The following KATNAL1 variants were observed in gnomAD, a reference collection of about 807,000 sequenced individuals.
KATNAL1 encodes the protein katanin catalytic subunit A1 like 1.
KATNAL1 carries 32 observed loss-of-function variants against 55.2 expected under a neutral mutation model. That is an observed-to-expected ratio of 0.58 (90% CI 0.44 to 0.78). KATNAL1 has a LOEUF of 0.78. KATNAL1 is among the 30% of genes least tolerant of loss of function. The pLI is 0.00. For missense variants in KATNAL1, 466 were observed against 600.9 expected, an observed-to-expected ratio of 0.78 and a Z score of 2.35; for synonymous variants, 193 against 193.6, an observed-to-expected ratio of 1.00 and a Z score of 0.02.
At chr13:30,215,844 G>A (rs945017349) in intron 9 of KATNAL1, among the ~76,000 whole-genome samples, 3 of 152,106 alleles carry the variant, frequency 2.0e-5, no homozygotes, top group African/African-American at 7.2e-5. Flanking sequence ...GTTAATGGGT[G>A]CAGCACACCA....
At position 30,296,756 on chromosome 13, in the gene KATNAL1, C is replaced by T. The variant is rs1882528495; in HGVS notation, c.-15+10575G>A. On this transcript the variant is annotated intron_variant, in intron 1 of 10. Transcript: ENST00000380615. The stretch of plus-strand genomic sequence containing the variant: ...ATTAGGCTGGCCAATGGATAGTGAG[C>T]TTGTGCCCCTACCTAGGTGCCTGTG... 6.1e-6 allele frequency: 3 copies of T among 490,888 alleles called. No homozygotes were observed. In the Admixed American group the frequency reaches 6.9e-5, roughly 11 times the overall value. 30.4% of individuals were successfully genotyped at this position (490,888 alleles called of 1,614,324 possible). A position where few individuals can be genotyped will look rare whatever the true frequency, so the allele number is the denominator to read the frequency against.
At chr13:30,305,789 T>C (rs903990906) in intron 1 of KATNAL1, among the ~76,000 whole-genome samples, 5 of 151,792 alleles carry the variant, frequency 3.3e-5, no homozygotes, top group African/African-American at 1.2e-4. Flanking sequence ...CCATGCAGGA[T>C]ACAGACTATC....
intron 9 of KATNAL1, among the ~76,000 whole-genome samples, chr13:30,226,040 G>GT (rs1875433760): frequency 1.3e-5 from 2 of 152,102 alleles, no homozygotes; most frequent in African/African-American, 4.8e-5. Context: ...GGTACTCAAC[G>GT]TAAGTCATCA....
intron 4 of KATNAL1, among the ~76,000 whole-genome samples, chr13:30,251,980 T>A (rs1295958902): frequency 6.6e-6 from 1 of 152,138 alleles, no homozygotes; most frequent in Non-Finnish European, 1.5e-5. Flanking sequence ...TGTCAGTAAT[T>A]TTAAAAAAGA....
chr13:30,229,861 C>T (rs1875908762), intron 8 of KATNAL1, among the ~76,000 whole-genome samples: 1 of 150,660 alleles, frequency 6.6e-6, no homozygotes, highest in African/African-American at 2.4e-5. Context: ...AATATTAATT[C>T]ACTTAAAAAT....
intron 6 of KATNAL1, among the ~76,000 whole-genome samples, chr13:30,238,544 C>T (rs1396063974): frequency 6.6e-6 from 1 of 152,172 alleles, no homozygotes; most frequent in African/African-American, 2.4e-5. Flanking sequence ...CTCTAAGTTC[C>T]TACATCTCCA....
chr13:30,267,465 G>A (rs1479665488), intron 3 of KATNAL1, among the ~76,000 whole-genome samples: 2 of 152,140 alleles, frequency 1.3e-5, no homozygotes, highest in Non-Finnish European at 2.9e-5. Context: ...TTAGCTGAAT[G>A]TACATACATA....
intron 4 of KATNAL1, among the ~76,000 whole-genome samples, chr13:30,250,019 CT>C (rs1255236965): frequency 6.6e-6 from 1 of 152,048 alleles, no homozygotes; most frequent in Admixed American, 6.5e-5. Context: ...TTACTATTAC[CT>C]ATTATCTTGA....
intron 9 of KATNAL1, among the ~76,000 whole-genome samples, chr13:30,213,323 T>C (rs945070303): frequency 1.9e-4 from 29 of 152,266 alleles, no homozygotes; most frequent in South Asian, 1.0e-3. Flanking sequence ...GATGGATTCA[T>C]AGCCGAATTC....
At chr13:30,221,732 G>A (rs1366895081) in intron 9 of KATNAL1, among the ~76,000 whole-genome samples, 1 of 152,154 alleles carries the variant, frequency 6.6e-6, no homozygotes, top group Non-Finnish European at 1.5e-5. Flanking sequence ...AACTTGGCTG[G>A]GCAATGGTGC....
At chr13:30,219,129 A>G (rs1038381869) in intron 9 of KATNAL1, among the ~76,000 whole-genome samples, 1 of 152,110 alleles carries the variant, frequency 6.6e-6, no homozygotes, top group Non-Finnish European at 1.5e-5. Flanking sequence ...ATTCTTATTC[A>G]CAGTTGGTTT....
At chr13:30,260,473 A>C (rs1217479811) in intron 3 of KATNAL1, among the ~76,000 whole-genome samples, 1 of 152,206 alleles carries the variant, frequency 6.6e-6, no homozygotes, top group African/African-American at 2.4e-5. Flanking sequence ...AAACTTTGAA[A>C]AAAGTTTAGA....
intron 3 of KATNAL1, among the ~76,000 whole-genome samples, chr13:30,260,093 T>C (rs1319619007): frequency 6.6e-6 from 1 of 151,968 alleles, no homozygotes; most frequent in Non-Finnish European, 1.5e-5. Context: ...AACTGGGAGG[T>C]ACCCCCCAGC....
chr13:30,272,011 G>A (rs990507432), intron 3 of KATNAL1, among the ~76,000 whole-genome samples: 27 of 152,038 alleles, frequency 1.8e-4, no homozygotes, highest in Non-Finnish European at 2.9e-4. Flanking sequence ...CCAGAGAAGA[G>A]GCATTTTCAT....
intron 4 of KATNAL1, among the ~76,000 whole-genome samples, chr13:30,254,347 T>C (rs1322807434): frequency 6.6e-6 from 1 of 152,198 alleles, no homozygotes; most frequent in Non-Finnish European, 1.5e-5. Flanking sequence ...GGATCTGAAA[T>C]AGAATCACTT....
intron 1 of KATNAL1, among the ~76,000 whole-genome samples, chr13:30,286,514 C>T (rs1252373976): frequency 1.3e-5 from 2 of 152,238 alleles, no homozygotes; most frequent in East Asian, 1.9e-4. Flanking sequence ...GGAACCTCCA[C>T]CTAGATTTCA....
At chr13:30,288,511 T>C (rs1881937508) in intron 1 of KATNAL1, among the ~76,000 whole-genome samples, 1 of 152,204 alleles carries the variant, frequency 6.6e-6, no homozygotes, top group South Asian at 2.1e-4. Flanking sequence ...TATATAAAAT[T>C]ACTTGATATT....
rs554085345 is a variant in KATNAL1 at position 30,222,910 on chromosome 13, T to C, written c.1147+4502A>G. Among the ~76,000 whole-genome samples the C allele has an allele frequency of 4.3e-3, 643 of 150,102 alleles. 1 individual carries two copies. The highest frequency in any genetic ancestry group is 0.015 in the African/African-American group (606 of 39,868). ...GAGTTCAAGACCAGCCTGGACAACA[T>C]GGCGAAACCCCGTCTCTACTAATAA... On this transcript the variant is annotated intron_variant, in intron 9 of 10. Coordinates refer to ENST00000380615, the MANE Select transcript of KATNAL1 (RefSeq NM_032116.5).
chr13:30,306,737 C>G (rs1304904902), intron 1 of KATNAL1: 1 of 152,238 alleles, frequency 6.6e-6, no homozygotes, highest in Non-Finnish European at 1.5e-5. Flanking sequence ...TTTCTCAGGT[C>G]TCACATCCAA....
Sources: allele counts gnomAD v4.1 joint callset (sites outside exome capture counted in the v4.1 genomes callset), GRCh38; gene constraint gnomAD v4.1.1; transcripts MANE v1.5; gene names NCBI Gene and HGNC (gene_info 2026-07-23, HGNC 2026-07-21).